Variants in SYNRG observed in about 807,000 individuals in gnomAD.
The protein encoded by SYNRG is AP1 gamma subunit binding protein 1.
A neutral mutation model predicts 130.9 loss-of-function variants in SYNRG; 37 were observed. The ratio of observed to expected loss-of-function variants is 0.28; its 90% CI spans 0.22 to 0.37. SYNRG has a LOEUF of 0.37. SYNRG is among the 10% of genes least tolerant of loss of function. The pLI is 1.00. For synonymous variants in SYNRG, 539 were observed against 568.1 expected, an observed-to-expected ratio of 0.95 and a Z score of 0.73; for missense variants, 1,338 against 1,588.9, an observed-to-expected ratio of 0.84 and a Z score of 2.68.
chr17:37,547,176 C>G lies in SYNRG; in HGVS notation c.2609-4611G>C, dbSNP rs542413219. 5.1e-4 allele frequency among the ~76,000 whole-genome samples: 78 copies of G among 152,342 alleles called. 1 individual carries two copies. The South Asian group carries it at 0.014, about 27-fold the overall frequency. ...AACTTCATGGTATAAATTATATCCACACTATCTAGAAGCACCTTTGGGTTT... is the reference window on the plus strand; with the variant it reads ...AACTTCATGGTATAAATTATATCCAGACTATCTAGAAGCACCTTTGGGTTT... On this transcript the variant is annotated intron_variant, in intron 14 of 21. Coordinates refer to ENST00000612223, the MANE Select transcript of SYNRG (RefSeq NM_007247.6).
intron 7 of SYNRG, 47 bp from the exon 8 acceptor site, chr17:37,576,465 T>C (rs1168723678): frequency 1.3e-6 from 2 of 1,551,896 alleles, no homozygotes; most frequent in Admixed American, 1.8e-5. Context: ...ATGGAGAAGA[T>C]GGCGAAATCA....
At chr17:37,584,880 A>C (rs1207786386) in intron 5 of SYNRG, 121 bp from the exon 6 acceptor site, 5 of 695,230 alleles carry the variant, frequency 7.2e-6, no homozygotes, top group East Asian at 5.4e-5. Context: ...CATACTTCTG[A>C]TAATGAATTA....
chr17:37,522,157 A>ACACACACACACACACACACACACACACAC, intron 19 of SYNRG, among the ~76,000 whole-genome samples: 1 of 151,284 alleles, frequency 6.6e-6, no homozygotes, highest in East Asian at 2.0e-4. Flanking sequence ...ACACACACAC[A>ACACACACACACACACACACACACACACAC]ATGGTTAAAA....
At position 37,554,039 on chromosome 17, in the gene SYNRG, T is replaced by C; in HGVS notation, c.1684A>G (p.Arg562Gly). 1 of 1,600,920 alleles carries C rather than the reference T, an allele frequency of 6.2e-7. No homozygotes were observed. The highest frequency in any genetic ancestry group is 8.5e-7 in the Non-Finnish European group (1 of 1,177,170). Residue 562 changes from arginine (R) to glycine (G), a missense_variant, in exon 14 of 22, where the codon AGA becomes GGA. Physicochemically the swap from Arg to Gly is moderately radical, Grantham distance 125. Around this residue, in one of 3 missense-constraint regions of SYNRG, gnomAD observed 1,146 missense variants for 1,342.3 expected, o/e 0.85. Coordinates refer to ENST00000612223, the MANE Select transcript of SYNRG (RefSeq NM_007247.6). The part of the protein sequence containing the change: ...KPLGESFAEF[R>G]SAGTDDGFTD... Reference sequence around the variant, plus strand: ...AAACCATCATCAGTTCCTGCAGATCTGAATTCTGCAAAGCTTTCTCCTGAA... The same window carrying C: ...AAACCATCATCAGTTCCTGCAGATCCGAATTCTGCAAAGCTTTCTCCTGAA...
At chr17:37,596,757 A>G (rs2062811517) in intron 2 of SYNRG, among the ~76,000 whole-genome samples, 1 of 151,954 alleles carries the variant, frequency 6.6e-6, no homozygotes, top group Non-Finnish European at 1.5e-5. Context: ...GTAACTTCGA[A>G]GGCTAGTTAT....
At chr17:37,527,251 A>C (rs2056047566) in intron 19 of SYNRG, among the ~76,000 whole-genome samples, 1 of 152,070 alleles carries the variant, frequency 6.6e-6, no homozygotes, top group Admixed American at 6.5e-5. Flanking sequence ...AAATCGATTA[A>C]TTTTCCAGGA....
intron 10 of SYNRG, 29 bp downstream of exon 10, chr17:37,570,608 T>C (rs1306534302): frequency 6.3e-6 from 10 of 1,587,854 alleles, no homozygotes; most frequent in East Asian, 2.2e-5. Flanking sequence ...TCAGTGATTA[T>C]CTGAAATATG....
At chr17:37,564,391 C>T (rs1056235376) in intron 11 of SYNRG, among the ~76,000 whole-genome samples, 2 of 152,210 alleles carry the variant, frequency 1.3e-5, no homozygotes, top group Non-Finnish European at 2.9e-5. Flanking sequence ...ACTCTAAACC[C>T]TGAGTAATTC....
At chr17:37,530,473 C>T (rs1326522694) in intron 19 of SYNRG, among the ~76,000 whole-genome samples, 32 of 152,158 alleles carry the variant, frequency 2.1e-4, no homozygotes, top group Admixed American at 2.1e-3. Context: ...ATATCACTAG[C>T]GAATCAATTT....
chr17:37,565,002 G>A (rs1315927401), intron 11 of SYNRG, among the ~76,000 whole-genome samples: 3 of 152,286 alleles, frequency 2.0e-5, no homozygotes, highest in Middle Eastern at 3.4e-3. Context: ...GGTGGCTCAC[G>A]CCTGTAATTC....
Position 37,596,227 on chromosome 17 carries a change from A to G in SYNRG, c.236T>C (p.Met79Thr). ...SSQMSQGPIA[M>T]QAGIPMGPMP... is the part of the protein sequence containing the mutation. The stretch of plus-strand genomic sequence containing the variant: ...ACCAACTAAAGAAGCAAGTACCTGC[A>G]TAGCAATAGGTCCTTGGGACATCTG... The change falls in exon 3 of 22, where the codon ATG becomes ACG. Residue 79 changes from methionine (M) to threonine (T), a missense_variant. Met to Thr is a moderately conservative substitution (Grantham distance 81, BLOSUM62 -1). This residue lies in a region of SYNRG where 184 missense variants were observed against 217.2 expected (regional missense o/e 0.85). Transcript: ENST00000612223. The G allele has an allele frequency of 5.6e-6, 9 of 1,613,806 alleles. No individual in the cohort carries two copies. The highest frequency in any genetic ancestry group is 7.6e-6 in the Non-Finnish European group (9 of 1,179,790).
intron 7 of SYNRG, among the ~76,000 whole-genome samples, chr17:37,576,850 AAAT>A (rs2060876015): frequency 6.6e-6 from 1 of 152,176 alleles, no homozygotes; most frequent in Admixed American, 6.6e-5. Context: ...CTGCTGTCTT[AAAT>A]ATATAGGACT....
At chr17:37,576,608 G>A (rs183795977) in intron 7 of SYNRG, 190 bp from the exon 8 acceptor site, 15 of 485,240 alleles carry the variant, frequency 3.1e-5, no homozygotes, top group Non-Finnish European at 4.0e-5. Flanking sequence ...ACTCTTGTAC[G>A]TTAACTATGT....
chr17:37,567,509 A>C (rs1433647190), intron 11 of SYNRG: 1 of 152,216 alleles, frequency 6.6e-6, no homozygotes, highest in Non-Finnish European at 1.5e-5. Context: ...CTGAAGTAGA[A>C]ATACAATTTA....
rs1490879007 is a variant in SYNRG, at chr17:37,518,175, T to TCACA, written c.*761_*764dup. ...AATCTTGTCTGAGAAAACTCCATGG[T>TCACA]CACAGTCTTTGCATGCGGCAGAACA... On this transcript the variant is annotated 3_prime_UTR_variant, in exon 22 of 22. Transcript: ENST00000612223. The TCACA allele has an allele frequency of 6.6e-6, 1 of 152,218 alleles. No homozygotes were observed. Among genetic ancestry groups the TCACA allele is most frequent in the South Asian group, 2.1e-4 (1 of 4,830 alleles). The allele number at this position is 152,218 out of a possible 1,614,324, so 9.4% of individuals were successfully genotyped here. A position where few individuals can be genotyped will look rare whatever the true frequency, so the allele number is the denominator to read the frequency against.
chr17:37,570,143 C>CT lies in SYNRG; in HGVS notation c.1347+493dup, dbSNP rs11320959. ...GATAGAAGATATAGACATGCTGAGG[C>CT]TTTTTTTTTTTTTTTTTTTTTTAAA... On this transcript the variant is annotated intron_variant, in intron 10 of 21. Transcript: ENST00000612223. Among the ~76,000 whole-genome samples, 591 of 113,688 alleles carry CT rather than the reference C, an allele frequency of 5.2e-3. 2 individuals carry two copies. The highest frequency in any genetic ancestry group is 7.6e-3 in the Non-Finnish European group (426 of 55,712). 74.6% of individuals were successfully genotyped at this position (113,688 alleles called of 152,430 possible). A position where few individuals can be genotyped will look rare whatever the true frequency, so the allele number is the denominator to read the frequency against.
At chr17:37,547,158 T>C (rs550150306) in intron 14 of SYNRG, among the ~76,000 whole-genome samples, 13 of 152,242 alleles carry the variant, frequency 8.5e-5, no homozygotes, top group Admixed American at 1.3e-4. Context: ...CACAACTTCA[T>C]GGTATAAATT....
intron 16 of SYNRG, among the ~76,000 whole-genome samples, 182 bp downstream of exon 16, chr17:37,540,198 G>T (rs1471973266): frequency 6.6e-6 from 1 of 152,114 alleles, no homozygotes; most frequent in Non-Finnish European, 1.5e-5. Context: ...GCCACACCTG[G>T]GAAATGTTTT....
intron 14 of SYNRG, among the ~76,000 whole-genome samples, chr17:37,545,329 G>A (rs1424430358): frequency 4.7e-4 from 71 of 152,198 alleles, no homozygotes; most frequent in East Asian, 1.9e-4. Context: ...AAGGGAATCG[G>A]AGATTGCAGT....
Sources: gnomAD v4.1 joint callset for allele counts (sites outside exome capture counted in the v4.1 genomes callset) on GRCh38, gnomAD v4.1.1 for gene constraint, gnomAD v4.1.1 regional missense constraint, MANE v1.5 for transcripts, NCBI Gene and HGNC (gene_info 2026-07-23, HGNC 2026-07-21) for gene names.